The following UGT3A2 variants were observed in gnomAD, a reference collection of about 807,000 sequenced individuals.
The protein encoded by UGT3A2 is UDP glycosyltransferase family 3 member A2.
UGT3A2 carries 32 observed loss-of-function variants against 39.8 expected under a neutral mutation model. That is an observed-to-expected ratio of 0.80 (90% CI 0.61 to 1.08). UGT3A2 has a LOEUF of 1.08. UGT3A2 is among the 50% of genes least tolerant of loss of function. The pLI is 0.00. For missense variants in UGT3A2, 611 were observed against 637.1 expected, an observed-to-expected ratio of 0.96 and a Z score of 0.44; for synonymous variants, 241 against 230.7, an observed-to-expected ratio of 1.04 and a Z score of -0.40.
chr5:36,052,727 C>T lies in UGT3A2; in HGVS notation c.197-743G>A, dbSNP rs1188005676. Among the ~76,000 whole-genome samples the T allele has an allele frequency of 2.6e-5, 4 of 151,964 alleles. No individual in the cohort carries two copies. The East Asian group carries it at 7.7e-4, about 29-fold the overall frequency. On this transcript the variant is annotated intron_variant, in intron 2 of 6. Transcript: ENST00000282507. ...TTTCAGATTTGCCTGGGAGCCTGTC[C>T]TGCTATTCTGAAAAAAAGAAAAAAA...
At chr5:36,042,813 AAG>A (rs1251160349) in intron 4 of UGT3A2, among the ~76,000 whole-genome samples, 1 of 152,166 alleles carries the variant, frequency 6.6e-6, no homozygotes, top group African/African-American at 2.4e-5. Flanking sequence ...TAATTTTATA[AAG>A]GTTGATTCAG....
rs560175888 is a variant in UGT3A2 at position 36,042,926 on chromosome 5, A to G, written c.844-3218T>C. Among the ~76,000 whole-genome samples, 6 of 152,230 alleles carry G rather than the reference A, an allele frequency of 3.9e-5. No individual in the cohort carries two copies. The East Asian group carries it at 1.2e-3, about 29-fold the overall frequency. ...GAGGTAAAGAGAGAGATAGACCCCA[A>G]TAAAATAATAGATGGAAAATGCAAC... On this transcript the variant is annotated intron_variant, in intron 4 of 6. Transcript: ENST00000282507.
At chr5:36,039,845 T>C in intron 4 of UGT3A2, 137 bp from the exon 5 acceptor site, 1 of 672,762 alleles carries the variant, frequency 1.5e-6, no homozygotes, top group Admixed American at 2.6e-5. Flanking sequence ...TAGCTCCTAG[T>C]ATAGCTCGAT....
chr5:36,059,293 A>T (rs540928670), intron 2 of UGT3A2, among the ~76,000 whole-genome samples: 220 of 152,162 alleles, frequency 1.4e-3, no homozygotes, highest in African/African-American at 4.8e-3. Flanking sequence ...TTAGTGCCCT[A>T]GAGGTCCAAA....
chr5:36,050,130 C>G (rs1011455506), intron 3 of UGT3A2, among the ~76,000 whole-genome samples: 1 of 149,226 alleles, frequency 6.7e-6, no homozygotes, highest in Admixed American at 6.7e-5. Flanking sequence ...TATTTATTTA[C>G]ATATTTGTTT....
At chr5:36,061,370 C>T (rs1023891505) in intron 2 of UGT3A2, among the ~76,000 whole-genome samples, 5 of 147,710 alleles carry the variant, frequency 3.4e-5, no homozygotes, top group Non-Finnish European at 4.5e-5. Flanking sequence ...AGGTATATCT[C>T]CCAATGCTAT....
intron 4 of UGT3A2, among the ~76,000 whole-genome samples, chr5:36,044,593 C>T (rs1370734582): frequency 6.6e-6 from 1 of 152,036 alleles, no homozygotes; most frequent in Non-Finnish European, 1.5e-5. Flanking sequence ...AAAGACTCTA[C>T]CAAAATAACT....
At chr5:36,050,327 T>G (rs1742303842) in intron 3 of UGT3A2, among the ~76,000 whole-genome samples, 1 of 152,106 alleles carries the variant, frequency 6.6e-6, no homozygotes, top group South Asian at 2.1e-4. Context: ...TACAGAATTT[T>G]GGGGAAATAG....
At chr5:36,052,713 C>T (rs978708928) in intron 2 of UGT3A2, among the ~76,000 whole-genome samples, 2 of 152,054 alleles carry the variant, frequency 1.3e-5, no homozygotes, top group Admixed American at 6.6e-5. Flanking sequence ...TTCAGATTTG[C>T]CTGGGAGCCT....
At chr5:36,060,298 C>T (rs1449514926) in intron 2 of UGT3A2, among the ~76,000 whole-genome samples, 1 of 152,222 alleles carries the variant, frequency 6.6e-6, no homozygotes, top group Non-Finnish European at 1.5e-5. Flanking sequence ...TTGTGATCAA[C>T]TCAGTATACC....
rs150467320 is a variant in UGT3A2 at position 36,063,790 on chromosome 5, C to T, written c.196+459G>A. 3.4e-3 allele frequency among the ~76,000 whole-genome samples: 518 copies of T among 152,226 alleles called. 3 individuals carry two copies. Among genetic ancestry groups the T allele is most frequent in the Non-Finnish European group, 4.6e-3 (315 of 68,014 alleles). On this transcript the variant is annotated intron_variant, in intron 2 of 6. Transcript: ENST00000282507. The stretch of plus-strand genomic sequence containing the variant: ...AGCTGAAACTACAAGTGGGTGCCAC[C>T]ATGTCAAGCTAATTTTTGTATTTTT...
intron 1 of UGT3A2, among the ~76,000 whole-genome samples, chr5:36,065,344 A>G (rs1041765413): frequency 6.6e-6 from 1 of 152,206 alleles, no homozygotes; most frequent in Non-Finnish European, 1.5e-5. Context: ...TAAAGTACAA[A>G]TCTGCAACAG....
At chr5:36,036,043 C>T (rs570557893) in intron 6 of UGT3A2, 69 bp from the exon 7 acceptor site, 3 of 1,546,330 alleles carry the variant, frequency 1.9e-6, no homozygotes, top group Non-Finnish European at 2.6e-6. Flanking sequence ...ATGATCCGTT[C>T]TATATGATGC....
At chr5:36,062,444 T>C (rs1161642431) in intron 2 of UGT3A2, among the ~76,000 whole-genome samples, 5 of 152,116 alleles carry the variant, frequency 3.3e-5, no homozygotes, top group Admixed American at 2.6e-4. Flanking sequence ...GGGATCCAGT[T>C]TCAGCTTTCT....
chr5:36,039,693 T>C lies in UGT3A2; in HGVS notation c.859A>G (p.Ile287Val), dbSNP rs1168205166. Reference sequence around the variant, plus strand: ...AAACCAGAGTCCCCAAACTTGGCAATGAAGTTCTCCAAGTCCTGGAGAAAG... The same window carrying C: ...AAACCAGAGTCCCCAAACTTGGCAACGAAGTTCTCCAAGTCCTGGAGAAAG... ...KPVPQDLENF[I>V]AKFGDSGFVL... The change falls in exon 5 of 7, where the codon ATT becomes GTT. Residue 287 changes from isoleucine (I) to valine (V), a missense_variant. Physicochemically the swap from Ile to Val is conservative, Grantham distance 29. Coordinates refer to ENST00000282507, the MANE Select transcript of UGT3A2 (RefSeq NM_174914.4). 4 of 1,613,990 alleles carry C rather than the reference T, an allele frequency of 2.5e-6. No homozygotes were observed. Among genetic ancestry groups the C allele is most frequent in the East Asian group, 2.2e-5 (1 of 44,894 alleles).
chr5:36,061,239 T>G (rs947658126), intron 2 of UGT3A2, among the ~76,000 whole-genome samples: 1 of 60,734 alleles, frequency 1.6e-5, no homozygotes, highest in Non-Finnish European at 3.9e-5. Flanking sequence ...ATTTTAAATT[T>G]TATTATTATT....
intron 4 of UGT3A2, among the ~76,000 whole-genome samples, chr5:36,040,495 A>G (rs1388840730): frequency 6.6e-6 from 1 of 152,228 alleles, no homozygotes; most frequent in Non-Finnish European, 1.5e-5. Context: ...ACAGTCTTCA[A>G]TTACCATGTG....
intron 2 of UGT3A2, among the ~76,000 whole-genome samples, chr5:36,053,544 G>T (rs768955784): frequency 9.2e-5 from 14 of 152,116 alleles, no homozygotes; most frequent in Non-Finnish European, 1.9e-4. Context: ...ATTAGTGCCC[G>T]CCAGGGACAC....
At chr5:36,066,601 C>G in intron 1 of UGT3A2, 95 bp downstream of exon 1, 1 of 1,590,340 alleles carries the variant, frequency 6.3e-7, no homozygotes, top group Non-Finnish European at 8.6e-7. Context: ...TGGAAAATCA[C>G]GTGGATGACT....
Sources: gnomAD v4.1 joint callset for allele counts (sites outside exome capture counted in the v4.1 genomes callset) on GRCh38, gnomAD v4.1.1 for gene constraint, MANE v1.5 for transcripts, NCBI Gene and HGNC (gene_info 2026-07-23, HGNC 2026-07-21) for gene names.